Variants in RNF220 observed in about 807,000 individuals in gnomAD.
RNF220 encodes E3 ubiquitin-protein ligase RNF220.
RNF220 carries 7 observed loss-of-function variants against 67.1 expected under a neutral mutation model. That is an observed-to-expected ratio of 0.10 (90% CI 0.06 to 0.20). The LOEUF (loss-of-function observed/expected upper bound fraction) is 0.20, where lower values mean the gene tolerates loss of function less well. Among genes scored for constraint, RNF220 ranks in the 10% least tolerant of loss-of-function variants. RNF220 has a pLI of 1.00. For missense variants in RNF220, 565 were observed against 740.3 expected, an observed-to-expected ratio of 0.76 and a Z score of 2.75; for synonymous variants, 270 against 283.2, an observed-to-expected ratio of 0.95 and a Z score of 0.47.
intron 1 of RNF220, chr1:44,410,455 T>C (rs2147799633): frequency 6.6e-6 from 1 of 152,360 alleles, no homozygotes. Flanking sequence ...GAAAAATCCG[T>C]TAATGTGAGA....
At position 44,412,679 on chromosome 1, in the gene RNF220, T is replaced by C. The variant is rs1353747275; in HGVS notation, c.582T>C (p.Ser194=). 1.2e-6 allele frequency: 2 copies of C among 1,614,198 alleles called. No homozygotes were observed. The highest frequency in any genetic ancestry group is 4.5e-5 in the East Asian group (2 of 44,882). The change falls in exon 2 of 15, where the codon TCT becomes TCC. Residue 194 remains serine, a synonymous_variant. Transcript: ENST00000361799. This position sits in a 1 kb window ranked among gnomAD's most constrained non-coding sequence, Gnocchi z 5.3. The part of the protein sequence containing the change: ...KKIFAVSGLI[S]DREASSSPED... Reference sequence around the variant, plus strand: ...TTTTTGCTGTCTCTGGCCTCATTTCTGATCGGGAAGCCTCATCTAGCCCAG... The same window carrying C: ...TTTTTGCTGTCTCTGGCCTCATTTCCGATCGGGAAGCCTCATCTAGCCCAG...
intron 2 of RNF220, among the ~76,000 whole-genome samples, chr1:44,483,286 C>T (rs1026102121): frequency 1.3e-5 from 2 of 152,056 alleles, no homozygotes; most frequent in African/African-American, 2.4e-5. Flanking sequence ...CCTTTGCAGC[C>T]GGTTAGACCT....
At chr1:44,468,739 C>T (rs1654502480) in intron 2 of RNF220, among the ~76,000 whole-genome samples, 1 of 151,908 alleles carries the variant, frequency 6.6e-6, no homozygotes, top group Non-Finnish European at 1.5e-5. Flanking sequence ...CATGGTGAAA[C>T]TCGGTCTCTA....
intron 2 of RNF220, among the ~76,000 whole-genome samples, chr1:44,414,901 A>G (rs1648367056): frequency 6.7e-6 from 1 of 150,324 alleles, no homozygotes; most frequent in Non-Finnish European, 1.5e-5. Flanking sequence ...GGGTGTTCGT[A>G]CACCCTCGTT....
chr1:44,407,240 C>T (rs1357968962), intron 1 of RNF220, among the ~76,000 whole-genome samples: 3 of 152,120 alleles, frequency 2.0e-5, no homozygotes, highest in African/African-American at 7.2e-5. Flanking sequence ...TCTTGCCTCT[C>T]GCCTCCGCTC....
At chr1:44,627,417 T>C (rs570110972) in intron 5 of RNF220, among the ~76,000 whole-genome samples, 8 of 149,852 alleles carry the variant, frequency 5.3e-5, no homozygotes, top group Non-Finnish European at 1.2e-4. Context: ...CAAACCTTGG[T>C]ATCAGGCCCA....
intron 2 of RNF220, among the ~76,000 whole-genome samples, chr1:44,478,918 A>G (rs772988143): frequency 2.6e-5 from 4 of 152,042 alleles, no homozygotes; most frequent in Non-Finnish European, 5.9e-5. Flanking sequence ...TTCCTTTTCT[A>G]TCATCCTTGG....
Position 44,497,938 on chromosome 1 carries a change from GCTTGATA to G in RNF220, c.625+85221_625+85227del, listed in dbSNP as rs553686110. On this transcript the variant is annotated intron_variant, in intron 2 of 14. Coordinates refer to ENST00000361799, the MANE Select transcript of RNF220 (RefSeq NM_018150.4). The stretch of plus-strand genomic sequence containing the variant: ...CTGGACTGGCGCCAAAGGCAAAGGT[GCTTGATA>G]CTTGGAAAGCTGCTTGTGCTTCCAC... Among the ~76,000 whole-genome samples, 252 of 152,322 alleles carry G rather than the reference GCTTGATA, an allele frequency of 1.7e-3. 3 individuals carry two copies. The highest frequency in any genetic ancestry group is 5.8e-3 in the African/African-American group (243 of 41,568).
At chr1:44,425,758 C>G (rs774425737) in intron 2 of RNF220, among the ~76,000 whole-genome samples, 10 of 152,176 alleles carry the variant, frequency 6.6e-5, no homozygotes, top group Non-Finnish European at 1.2e-4. Context: ...GTTTTGTAAT[C>G]TAAAAGTAAC....
intron 2 of RNF220, among the ~76,000 whole-genome samples, chr1:44,532,950 G>A (rs1449095985): frequency 6.6e-6 from 1 of 152,218 alleles, no homozygotes; most frequent in African/African-American, 2.4e-5. Flanking sequence ...GTGCAGCTGC[G>A]TTGCTCTGTA....
At position 44,600,082 on chromosome 1, in the gene RNF220, G is replaced by T. The variant is rs1171242398; in HGVS notation, c.626-14083G>T. On this transcript the variant is annotated intron_variant, in intron 2 of 14. Coordinates refer to ENST00000361799, the MANE Select transcript of RNF220 (RefSeq NM_018150.4). The surrounding 1 kb of genome is among the most constrained non-coding windows in gnomAD (Gnocchi z 4.0). ...CAGGGAAGATGTTGACTTACTGGAT[G>T]TAGGGACTGGAGTAAAGAGTAAAAA... Among the ~76,000 whole-genome samples the T allele has an allele frequency of 6.6e-6, 1 of 152,200 alleles. No homozygotes were observed. The highest frequency in any genetic ancestry group is 6.5e-5 in the Admixed American group (1 of 15,290).
chr1:44,442,703 GAC>G (rs1651691732), intron 2 of RNF220, among the ~76,000 whole-genome samples: 2 of 151,986 alleles, frequency 1.3e-5, no homozygotes. Context: ...TTTTAGTAGA[GAC>G]AGGATTTTAC....
intron 8 of RNF220, among the ~76,000 whole-genome samples, chr1:44,639,236 G>T (rs1182191346): frequency 6.6e-6 from 1 of 152,226 alleles, no homozygotes; most frequent in Non-Finnish European, 1.5e-5. Context: ...TGACTAAGGA[G>T]CCATGCCTTT....
chr1:44,515,430 C>CAG (rs1659379935), intron 2 of RNF220, among the ~76,000 whole-genome samples: 3 of 152,078 alleles, frequency 2.0e-5, no homozygotes, highest in Non-Finnish European at 2.9e-5. Context: ...GTAAATGATC[C>CAG]ACAGGATTGG....
In RNF220 at chr1:44,650,420, G is replaced by A. The variant is rs1309350593; in HGVS notation, c.1630-284G>A. 3.9e-6 allele frequency: 2 copies of A among 519,042 alleles called. No individual in the cohort carries two copies. The highest frequency in any genetic ancestry group is 2.3e-5 in the South Asian group (1 of 44,270). 32.2% of individuals were successfully genotyped at this position (519,042 alleles called of 1,614,324 possible). A position where few individuals can be genotyped will look rare whatever the true frequency, so the allele number is the denominator to read the frequency against. ...GCTCTGTGTCCTGATCAAAGGCCGC[G>A]TGTAATCTCGTTAGGGCTGCGGCTG... On this transcript the variant is annotated intron_variant, in intron 14 of 14. Coordinates refer to ENST00000361799, the MANE Select transcript of RNF220 (RefSeq NM_018150.4). The surrounding 1 kb of genome is among the most constrained non-coding windows in gnomAD (Gnocchi z 4.3).
At chr1:44,464,161 T>C (rs1476051649) in intron 2 of RNF220, among the ~76,000 whole-genome samples, 1 of 152,234 alleles carries the variant, frequency 6.6e-6, no homozygotes, top group Non-Finnish European at 1.5e-5. Flanking sequence ...TATAACAAAC[T>C]TACTCAGAAT....
Position 44,518,604 on chromosome 1 carries a change from C to T in RNF220, c.626-95561C>T, listed in dbSNP as rs546568840. Among the ~76,000 whole-genome samples, 29 of 150,236 alleles carry T rather than the reference C, an allele frequency of 1.9e-4. 1 individual carries two copies. The highest frequency in any genetic ancestry group is 6.4e-4 in the African/African-American group (26 of 40,880). On this transcript the variant is annotated intron_variant, in intron 2 of 14. Transcript: ENST00000361799. ...TTTAAAAACAATCCTGGGCCGGGCG[C>T]GGTGGCTCACACCTGTAATCCCAGC...
At chr1:44,560,938 C>T (rs1663524485) in intron 2 of RNF220, among the ~76,000 whole-genome samples, 1 of 152,218 alleles carries the variant, frequency 6.6e-6, no homozygotes, top group South Asian at 2.1e-4. Context: ...GAAACCAACT[C>T]TGTCCCACCC....
chr1:44,407,024 A>G (rs1301496910), intron 1 of RNF220, among the ~76,000 whole-genome samples: 1 of 152,148 alleles, frequency 6.6e-6, no homozygotes, highest in East Asian at 1.9e-4. Flanking sequence ...CGGGTCGTGG[A>G]TGCAGCTCCA....
Sources: gnomAD v4.1 joint callset for allele counts (sites outside exome capture counted in the v4.1 genomes callset) on GRCh38, gnomAD v4.1.1 for gene constraint, Gnocchi (gnomAD v3.1) non-coding constraint, MANE v1.5 for transcripts, NCBI Gene and HGNC (gene_info 2026-07-23, HGNC 2026-07-21) for gene names.